FBLIM1: variants seen among roughly 807,000 people sequenced by gnomAD.
FBLIM1 encodes filamin binding LIM protein 1.
In FBLIM1, 29 loss-of-function variants were observed where a neutral mutation model predicts 37.4. The ratio of observed to expected loss-of-function variants is 0.77; its 90% CI spans 0.58 to 1.06. The LOEUF is 1.06. Ranked by LOEUF, FBLIM1 falls within the 50% of genes least tolerant of loss-of-function variation. FBLIM1 has a pLI of 0.00. For missense variants in FBLIM1, 449 were observed against 505.6 expected (o/e 0.89, Z 1.07); for synonymous variants, 193 against 199.0 (o/e 0.97, Z 0.25).
At chr1:15,761,186 A>C (rs1362682392) in intron 1 of FBLIM1, among the ~76,000 whole-genome samples, 1 of 152,188 alleles carries the variant, frequency 6.6e-6, no homozygotes, top group Non-Finnish European at 1.5e-5. Context: ...ACCAGCCCGG[A>C]ACATGCCGAC....
rs768998293 is a variant in FBLIM1 at position 15,784,571 on chromosome 1, C to A, written c.1032C>A (p.Val344=). 9 of 1,613,938 alleles carry A rather than the reference C, an allele frequency of 5.6e-6. No homozygotes were observed. The Middle Eastern group carries it at 1.3e-3, about 237-fold the overall frequency. The change falls in exon 9 of 9, where the codon GTC becomes GTA. Residue 344 remains valine, a synonymous_variant. Transcript: ENST00000375766. Reference sequence around the variant, plus strand: ...AGGACTGCAGGATCCTCCTGTCTGTCGAGCCCACGGACCAAGGCTGCTACC... The same window carrying A: ...AGGACTGCAGGATCCTCCTGTCTGTAGAGCCCACGGACCAAGGCTGCTACC... ...RCEDCRILLS[V]EPTDQGCYPL...
intron 7 of FBLIM1, among the ~76,000 whole-genome samples, chr1:15,775,736 G>A (rs2069466622): frequency 6.6e-6 from 1 of 151,972 alleles, no homozygotes; most frequent in Non-Finnish European, 1.5e-5. Flanking sequence ...AGACGTCATT[G>A]GATAGGCATG....
At chr1:15,766,260 A>T (rs2068915903) in intron 3 of FBLIM1, among the ~76,000 whole-genome samples, 1 of 151,436 alleles carries the variant, frequency 6.6e-6, no homozygotes, top group Admixed American at 6.6e-5. Flanking sequence ...AGCTCTCACC[A>T]CCAGGCCCAG....
intron 1 of FBLIM1, among the ~76,000 whole-genome samples, chr1:15,764,025 C>T (rs1009903698): frequency 6.6e-6 from 1 of 152,174 alleles, no homozygotes; most frequent in Non-Finnish European, 1.5e-5. Context: ...CATGGAGCCT[C>T]CCCATCTCTC....
chr1:15,768,689 C>T (rs2069051297), intron 5 of FBLIM1, 59 bp downstream of exon 5: 1 of 1,392,550 alleles, frequency 7.2e-7, no homozygotes, highest in Non-Finnish European at 9.7e-7. Flanking sequence ...CATGGGCTTC[C>T]AGGTAGAAAC....
intron 6 of FBLIM1, among the ~76,000 whole-genome samples, chr1:15,774,119 C>T (rs181649062): frequency 3.3e-5 from 5 of 152,090 alleles, no homozygotes; most frequent in Middle Eastern, 3.2e-3. Flanking sequence ...AGTAACAGAG[C>T]GAGACTCTGT....
At position 15,764,704 on chromosome 1, in the gene FBLIM1, TC is replaced by T. The variant is rs2068831312; in HGVS notation, c.-21+23del. 2.1e-6 allele frequency: 1 copy of T among 483,874 alleles called. No individual in the cohort carries two copies. 30.0% of individuals were successfully genotyped at this position (483,874 alleles called of 1,614,324 possible). A position where few individuals can be genotyped will look rare whatever the true frequency, so the allele number is the denominator to read the frequency against. ...ATCATTGGTGAGGGCTGCCCTTTGC[TC>T]CCCTAGGTGTGCAGGTTCGGGGGAG... On this transcript the variant is annotated intron_variant, in intron 2 of 8. Transcript: ENST00000375766.
chr1:15,769,922 C>G (rs767172418), intron 5 of FBLIM1, among the ~76,000 whole-genome samples: 1 of 151,856 alleles, frequency 6.6e-6, no homozygotes, highest in Non-Finnish European at 1.5e-5. Flanking sequence ...TGTGAGCCAC[C>G]GCGCCGGGCT....
intron 7 of FBLIM1, among the ~76,000 whole-genome samples, chr1:15,776,758 A>G (rs2069502747): frequency 6.6e-6 from 1 of 151,176 alleles, no homozygotes. Flanking sequence ...GCTACTCAAG[A>G]GGCTGAGGCA....
intron 4 of FBLIM1, among the ~76,000 whole-genome samples, chr1:15,767,855 C>T (rs1263683714): frequency 2.0e-5 from 3 of 152,126 alleles, no homozygotes; most frequent in Non-Finnish European, 1.5e-5. Flanking sequence ...ACCTAAATCC[C>T]TTAGGCTGCA....
intron 7 of FBLIM1, chr1:15,776,866 CAAAAAAA>C (rs36071270): frequency 4.4e-5 from 3 of 68,794 alleles, no homozygotes; most frequent in Non-Finnish European, 7.8e-5. Flanking sequence ...AACTCCATCT[CAAAAAAA>C]AAAAAAAAAA....
At chr1:15,777,373 G>C in intron 8 of FBLIM1, 86 bp downstream of exon 8, 2 of 883,360 alleles carry the variant, frequency 2.3e-6, no homozygotes, top group Non-Finnish European at 3.6e-6. Context: ...GGACAGGTCA[G>C]GGTGGGGGCT....
chr1:15,769,305 T>C (rs1349055625), intron 5 of FBLIM1, among the ~76,000 whole-genome samples: 1 of 151,962 alleles, frequency 6.6e-6, no homozygotes, highest in Non-Finnish European at 1.5e-5. Context: ...GGTGAAATGC[T>C]GTCTCTACTA....
At chr1:15,771,024 C>T (rs566477458) in intron 6 of FBLIM1, among the ~76,000 whole-genome samples, 1 of 152,096 alleles carries the variant, frequency 6.6e-6, no homozygotes, top group Non-Finnish European at 1.5e-5. Flanking sequence ...ACTGCAACCT[C>T]GGCCACCCAG....
chr1:15,761,287 G>A (rs755333535), intron 1 of FBLIM1, among the ~76,000 whole-genome samples: 19 of 152,172 alleles, frequency 1.2e-4, no homozygotes, highest in South Asian at 2.1e-4. Flanking sequence ...AAGGAAAAGC[G>A]TGTCTGGGGA....
At chr1:15,777,998 C>G (rs921032882) in intron 8 of FBLIM1, among the ~76,000 whole-genome samples, 6 of 152,266 alleles carry the variant, frequency 3.9e-5, no homozygotes, top group Admixed American at 3.9e-4. Context: ...TTGCATCTCC[C>G]CAGCTTAGAA....
intron 8 of FBLIM1, 58 bp downstream of exon 8, chr1:15,777,345 T>G: frequency 7.5e-7 from 1 of 1,336,992 alleles, no homozygotes; most frequent in Non-Finnish European, 1.1e-6. Flanking sequence ...GGCCCTTAGC[T>G]GGGTTGCTTG....
chr1:15,757,029 CT>C (rs1438200668), upstream of FBLIM1, among the ~76,000 whole-genome samples: 1 of 152,212 alleles, frequency 6.6e-6, no homozygotes, highest in Non-Finnish European at 1.5e-5. This position sits in a 1 kb window ranked among gnomAD's most constrained non-coding sequence, Gnocchi z 4.1. Flanking sequence ...CCTTTGAGTC[CT>C]TCCCGTCTCT....
chr1:15,767,273 A>G, intron 3 of FBLIM1, 103 bp from the exon 4 acceptor site: 8 of 1,063,610 alleles, frequency 7.5e-6, no homozygotes, highest in Non-Finnish European at 9.3e-6. Context: ...GGTGATCCCG[A>G]CCGGGGCCCT....
Sources: allele counts gnomAD v4.1 joint callset (sites outside exome capture counted in the v4.1 genomes callset), GRCh38; gene constraint gnomAD v4.1.1; non-coding constraint Gnocchi (gnomAD v3.1); transcripts MANE v1.5; gene names NCBI Gene and HGNC (gene_info 2026-07-23, HGNC 2026-07-21).